LY75: variants seen among roughly 807,000 people sequenced by gnomAD.
The protein encoded by LY75 is lymphocyte antigen 75.
A neutral mutation model predicts 231.7 loss-of-function variants in LY75; 185 were observed. The observed-to-expected ratio is 0.80, with a 90% CI of 0.71 to 0.90. LY75 has a LOEUF of 0.90. Among genes scored for constraint, LY75 ranks in the 40% least tolerant of loss-of-function variants. The pLI, the probability that LY75 is intolerant of heterozygous loss-of-function variation, is 0.00. For synonymous variants in LY75, 668 were observed against 689.0 expected, an observed-to-expected ratio of 0.97 and a Z score of 0.48; for missense variants, 1,947 against 2,050.2, an observed-to-expected ratio of 0.95 and a Z score of 0.97.
Position 159,815,549 on chromosome 2 carries a change from A to T in LY75, c.4405T>A (p.Ser1469Thr). 6.2e-7 allele frequency: 1 copy of T among 1,612,568 alleles called. No homozygotes were observed. The highest frequency in any genetic ancestry group is 1.7e-4 in the Middle Eastern group (1 of 6,054). Residue 1469 changes from serine (S) to threonine (T), a missense_variant, in exon 31 of 35, where the codon TCT (serine) becomes ACT (threonine). Ser to Thr is a moderately conservative substitution (Grantham distance 58, BLOSUM62 1). Transcript: ENST00000263636. ...HDGSESSFEW[S>T]DGSTFDYIPW... is the part of the protein sequence containing the mutation. ...ATATAGTCAAATGTACTACCATCAG[A>T]CCATTCAAAACTTGATTCACTTCCC...
intron 30 of LY75, among the ~76,000 whole-genome samples, chr2:159,815,797 A>T (rs2125830949): frequency 6.6e-6 from 1 of 152,326 alleles, no homozygotes; most frequent in South Asian, 2.1e-4. Context: ...AAACTTACAG[A>T]CAGAGTTACT....
chr2:159,837,241 G>C (rs897166886), intron 25 of LY75, among the ~76,000 whole-genome samples: 4 of 152,204 alleles, frequency 2.6e-5, no homozygotes, highest in African/African-American at 9.6e-5. Flanking sequence ...AATCAATCTA[G>C]ATGTCCATCA....
intron 11 of LY75, among the ~76,000 whole-genome samples, chr2:159,876,711 A>G (rs73000753): frequency 6.6e-6 from 1 of 151,918 alleles, no homozygotes; most frequent in Non-Finnish European, 1.5e-5. Context: ...CTTAGTGTCT[A>G]TAAAACAAAT....
At chr2:159,826,430 C>A (rs1261033936) in intron 28 of LY75, among the ~76,000 whole-genome samples, 1 of 126,304 alleles carries the variant, frequency 7.9e-6, no homozygotes, top group Non-Finnish European at 1.5e-5. Flanking sequence ...AGGAGAACTA[C>A]AAACCACTGC....
At chr2:159,826,562 C>T (rs1277179389) in intron 28 of LY75, among the ~76,000 whole-genome samples, 1 of 152,172 alleles carries the variant, frequency 6.6e-6, no homozygotes, top group African/African-American at 2.4e-5. Flanking sequence ...ATGCTATCCC[C>T]ATGAAGCTAC....
chr2:159,871,183 T>C (rs926844553), intron 13 of LY75, among the ~76,000 whole-genome samples: 1 of 152,278 alleles, frequency 6.6e-6, no homozygotes, highest in African/African-American at 2.4e-5. Flanking sequence ...TAAGTGTATA[T>C]TTATGTATTA....
In LY75 at chr2:159,886,541, T is replaced by TA; in HGVS notation, c.803-12dup. ...CAATGCCTTCTTTTTCTGTAAGAAT[T>TA]AAAAAATTTTTAAAAAGTGACAAAG... On this transcript the variant is annotated splice_polypyrimidine_tract_variant and intron_variant, in intron 4 of 34. Coordinates refer to ENST00000263636, the MANE Select transcript of LY75 (RefSeq NM_002349.4). The TA allele has an allele frequency of 3.2e-6, 5 of 1,578,444 alleles. No homozygotes were observed. Among genetic ancestry groups the TA allele is most frequent in the Non-Finnish European group, 4.3e-6 (5 of 1,166,456 alleles).
At chr2:159,822,219 A>T (rs1409201112) in intron 28 of LY75, among the ~76,000 whole-genome samples, 4 of 152,226 alleles carry the variant, frequency 2.6e-5, no homozygotes, top group Non-Finnish European at 4.4e-5. Flanking sequence ...TGCTGAAGCC[A>T]GGGAGCCAAG....
intron 26 of LY75, 53 bp downstream of exon 26, chr2:159,835,427 C>T: frequency 6.8e-7 from 1 of 1,468,150 alleles, no homozygotes; most frequent in Admixed American, 2.8e-5. Context: ...GAAATTCTAC[C>T]ACTTATGGGA....
intron 28 of LY75, among the ~76,000 whole-genome samples, chr2:159,829,616 A>C (rs891470904): frequency 6.7e-6 from 1 of 150,356 alleles, no homozygotes; most frequent in African/African-American, 2.5e-5. Flanking sequence ...TGTTTTAAAA[A>C]CAGAATTCCT....
At chr2:159,857,341 G>A (rs546198338) in intron 16 of LY75, among the ~76,000 whole-genome samples, 2 of 152,286 alleles carry the variant, frequency 1.3e-5, no homozygotes, top group African/African-American at 4.8e-5. Context: ...CTTGTAGGAG[G>A]ATATACCTTT....
Position 159,886,371 on chromosome 2 carries a change from T to C in LY75, c.913+49A>G, listed in dbSNP as rs373927653. On this transcript the variant is annotated intron_variant, in intron 5 of 34. Transcript: ENST00000263636. The stretch of plus-strand genomic sequence containing the variant: ...CTATTGGTGAGTGAGAAGCTTTTGC[T>C]TTTTTGAAGATTTGTTCTGTGCAGA... 4 of 1,499,538 alleles carry C rather than the reference T, an allele frequency of 2.7e-6. No homozygotes were observed. In the African/African-American group the frequency reaches 5.6e-5, roughly 21 times the overall value. The allele number at this position is 1,499,538 out of a possible 1,614,324, so 92.9% of individuals were successfully genotyped here.
intron 33 of LY75, among the ~76,000 whole-genome samples, chr2:159,807,346 G>A (rs1682821407): frequency 6.6e-6 from 1 of 152,260 alleles, no homozygotes; most frequent in Non-Finnish European, 1.5e-5. Context: ...TGTGGCCAGT[G>A]ACTACTATAT....
At chr2:159,858,251 T>C in intron 16 of LY75, 111 bp downstream of exon 16, 2 of 1,342,708 alleles carry the variant, frequency 1.5e-6, no homozygotes, top group Non-Finnish European at 2.0e-6. Context: ...ATCATCATCA[T>C]AGGCTTTTAG....
chr2:159,864,726 G>A (rs540150757), intron 14 of LY75, 113 bp downstream of exon 14: 43 of 1,033,792 alleles, frequency 4.2e-5, no homozygotes, highest in Non-Finnish European at 4.5e-5. Flanking sequence ...GCTATTCAGG[G>A]TCTTTTGTGG....
At chr2:159,888,598 G>GT (rs1685663145) in intron 4 of LY75, among the ~76,000 whole-genome samples, 1 of 152,142 alleles carries the variant, frequency 6.6e-6, no homozygotes. Flanking sequence ...AATATTTCCA[G>GT]TTATTATAAA....
At chr2:159,825,591 C>T (rs578199298) in intron 28 of LY75, among the ~76,000 whole-genome samples, 4 of 152,172 alleles carry the variant, frequency 2.6e-5, no homozygotes, top group Non-Finnish European at 5.9e-5. Flanking sequence ...AGAGGGACTC[C>T]TCCTTCACTC....
intron 20 of LY75, among the ~76,000 whole-genome samples, chr2:159,852,771 A>T (rs1033418353): frequency 2.0e-5 from 3 of 152,192 alleles, no homozygotes; most frequent in Non-Finnish European, 4.4e-5. Flanking sequence ...TCTTGAAATC[A>T]ATCTTTCCTA....
Position 159,852,231 on chromosome 2 carries a change from A to G in LY75, c.2853T>C (p.Cys951=). 1 of 1,614,078 alleles carries G rather than the reference A, an allele frequency of 6.2e-7. No individual in the cohort carries two copies. ...TCTGAAAAGGAATCCATTGCTCAGA[A>G]CATTGCACTTTAGCTGCAGAATCTG... is the stretch of plus-strand genomic sequence containing the variant. ...YSPDSAAKVQ[C]SEQWIPFQNK... The change falls in exon 21 of 35, where the codon TGT becomes TGC. Residue 951 remains cysteine (C), a synonymous_variant. Coordinates refer to ENST00000263636, the MANE Select transcript of LY75 (RefSeq NM_002349.4).
Sources: allele counts gnomAD v4.1 joint callset (sites outside exome capture counted in the v4.1 genomes callset), GRCh38; gene constraint gnomAD v4.1.1; transcripts MANE v1.5; gene names NCBI Gene and HGNC (gene_info 2026-07-23, HGNC 2026-07-21).